VAV3: variants seen among roughly 807,000 people sequenced by gnomAD.
VAV3 encodes vav guanine nucleotide exchange factor 3, also known as guanine nucleotide exchange factor VAV3.
Under a neutral mutation model 131.2 loss-of-function variants are expected in VAV3, and 94 were observed. The observed-to-expected ratio is 0.72, with a 90% CI of 0.61 to 0.85. The LOEUF (loss-of-function observed/expected upper bound fraction) is 0.85. Among genes scored for constraint, VAV3 ranks in the 40% least tolerant of loss-of-function variants. VAV3 has a pLI of 0.00. For synonymous variants in VAV3, 349 were observed against 342.0 expected (o/e 1.02, Z -0.22); for missense variants, 939 against 1,002.7 (o/e 0.94, Z 0.86).
chr1:107,952,797 C>G (rs1191335899), intron 1 of VAV3, among the ~76,000 whole-genome samples: 1 of 152,086 alleles, frequency 6.6e-6, no homozygotes, highest in Non-Finnish European at 1.5e-5. Context: ...GCATCTACTA[C>G]AAAGTCCAAC....
chr1:107,791,612 C>T (rs567219150), intron 2 of VAV3, among the ~76,000 whole-genome samples: 1 of 152,266 alleles, frequency 6.6e-6, no homozygotes, highest in South Asian at 2.1e-4. Context: ...ACCTTACCTT[C>T]AGAGAATATG....
chr1:107,602,181 T>C (rs1651917707), intron 24 of VAV3, among the ~76,000 whole-genome samples: 1 of 152,104 alleles, frequency 6.6e-6, no homozygotes, highest in African/African-American at 2.4e-5. Context: ...TATCTAAACC[T>C]GCAAACAATT....
At chr1:107,619,825 A>T (rs1477585266) in intron 20 of VAV3, among the ~76,000 whole-genome samples, 1 of 152,186 alleles carries the variant, frequency 6.6e-6, no homozygotes, top group East Asian at 1.9e-4. Flanking sequence ...AGAATAAGTG[A>T]CATTTTGTGA....
At chr1:107,945,105 T>A (rs909460212) in intron 1 of VAV3, among the ~76,000 whole-genome samples, 1 of 152,212 alleles carries the variant, frequency 6.6e-6, no homozygotes, top group Non-Finnish European at 1.5e-5. Flanking sequence ...CCCAGCCACC[T>A]GGATGGTTTA....
At chr1:107,616,079 A>G (rs1653133468) in intron 21 of VAV3, among the ~76,000 whole-genome samples, 1 of 152,224 alleles carries the variant, frequency 6.6e-6, no homozygotes, top group Non-Finnish European at 1.5e-5. Context: ...TTACCTTTTG[A>G]GCCAGCAATC....
intron 2 of VAV3, among the ~76,000 whole-genome samples, chr1:107,849,710 C>A (rs1669132568): frequency 6.6e-6 from 1 of 152,110 alleles, no homozygotes; most frequent in South Asian, 2.1e-4. Context: ...CAACAAAAGA[C>A]AAAATTGACA....
intron 19 of VAV3, among the ~76,000 whole-genome samples, chr1:107,649,364 G>T (rs1655985902): frequency 6.6e-6 from 1 of 152,062 alleles, no homozygotes; most frequent in South Asian, 2.1e-4. Flanking sequence ...AAGAATATTT[G>T]CTCTTACAGA....
intron 4 of VAV3, among the ~76,000 whole-genome samples, chr1:107,776,311 C>A (rs145103212): frequency 0.011 from 1,695 of 152,274 alleles, 15 homozygotes; most frequent in Middle Eastern, 0.051. Context: ...CCACACCTCA[C>A]AAAAGTGTAC....
intron 1 of VAV3, among the ~76,000 whole-genome samples, chr1:107,902,665 T>C (rs1044731522): frequency 4.6e-5 from 7 of 152,100 alleles, no homozygotes; most frequent in Admixed American, 4.6e-4. Context: ...TTTAAGAAAA[T>C]ATTTATGAAG....
intron 1 of VAV3, among the ~76,000 whole-genome samples, chr1:107,922,964 G>A (rs59717353): frequency 0.068 from 9,077 of 133,796 alleles, 418 homozygotes; most frequent in African/African-American, 0.14. Context: ...AAAAAAAAAA[G>A]AAAAAAAAAA....
intron 15 of VAV3, among the ~76,000 whole-genome samples, chr1:107,725,874 T>C (rs1013911539): frequency 6.6e-6 from 1 of 152,170 alleles, no homozygotes; most frequent in African/African-American, 2.4e-5. Flanking sequence ...CTATAATATC[T>C]GGCAGTCACA....
intron 1 of VAV3, among the ~76,000 whole-genome samples, chr1:107,938,534 G>A (rs1196416472): frequency 6.6e-6 from 1 of 152,158 alleles, no homozygotes; most frequent in African/African-American, 2.4e-5. Flanking sequence ...AGGCATGGAG[G>A]GAAGAGCTTG....
At chr1:107,819,632 A>C (rs541815581) in intron 2 of VAV3, among the ~76,000 whole-genome samples, 2 of 152,280 alleles carry the variant, frequency 1.3e-5, no homozygotes, top group Admixed American at 1.3e-4. Context: ...AAAATATATC[A>C]CTTTTTAAAC....
At position 107,692,508 on chromosome 1, in the gene VAV3, T is replaced by A. The variant is rs1401208874; in HGVS notation, c.1706-4102A>T. 2.0e-5 allele frequency among the ~76,000 whole-genome samples: 3 copies of A among 152,186 alleles called. No individual in the cohort carries two copies. In the South Asian group the frequency reaches 6.2e-4, roughly 31 times the overall value. ...TTTTGGTTATGAAATCAATGGTCAATCTTCAGCTCACGTAAAAGTACTGTG... is the reference window on the plus strand; with the variant it reads ...TTTTGGTTATGAAATCAATGGTCAAACTTCAGCTCACGTAAAAGTACTGTG... On this transcript the variant is annotated intron_variant, in intron 17 of 26. Transcript: ENST00000370056.
intron 20 of VAV3, among the ~76,000 whole-genome samples, chr1:107,622,484 G>T (rs977620583): frequency 2.6e-5 from 4 of 152,144 alleles, no homozygotes; most frequent in Non-Finnish European, 4.4e-5. Context: ...AGAAAGAACT[G>T]CTTTGAGAAA....
chr1:107,820,985 CT>C (rs2102359511), intron 2 of VAV3: 1 of 152,268 alleles, frequency 6.6e-6, no homozygotes, highest in African/African-American at 2.4e-5. Context: ...TATAAATCCA[CT>C]GTCTTATGTG....
chr1:107,739,590 A>T (rs12405204), intron 15 of VAV3, among the ~76,000 whole-genome samples: 12,847 of 152,280 alleles, frequency 0.084, 691 homozygotes, highest in Admixed American at 0.17. Context: ...TTCACATTAA[A>T]AACTGGTCAT....
chr1:107,609,990 G>C, intron 21 of VAV3, 25 bp from the exon 22 acceptor site: 2 of 1,611,260 alleles, frequency 1.2e-6, no homozygotes, highest in Non-Finnish European at 1.7e-6. Flanking sequence ...AGCAAAAACA[G>C]ATTAAGTTTA....
chr1:107,785,446 A>C, intron 2 of VAV3: 1 of 1,329,356 alleles, frequency 7.5e-7, no homozygotes, highest in Middle Eastern at 2.1e-4. Context: ...TTCCGAGGGA[A>C]AGGGTACTTA....
Sources: allele counts gnomAD v4.1 joint callset (sites outside exome capture counted in the v4.1 genomes callset), GRCh38; gene constraint gnomAD v4.1.1; transcripts MANE v1.5; gene names NCBI Gene and HGNC (gene_info 2026-07-23, HGNC 2026-07-21).